The following BMPER variants were observed in gnomAD, a reference collection of about 807,000 sequenced individuals.
BMPER encodes the protein BMP-binding endothelial regulator protein.
Under a neutral mutation model 87.3 loss-of-function variants are expected in BMPER, and 45 were observed. The ratio of observed to expected loss-of-function variants is 0.52; its 90% CI spans 0.41 to 0.66. The LOEUF is 0.66. BMPER is among the 30% of genes least tolerant of loss of function. The pLI is 0.00. For synonymous variants in BMPER, 326 were observed against 316.2 expected (o/e 1.03, Z -0.33); for missense variants, 784 against 867.5 (o/e 0.90, Z 1.21).
intron 11 of BMPER, among the ~76,000 whole-genome samples, chr7:34,076,436 C>T (rs1207426313): frequency 6.6e-6 from 1 of 152,110 alleles, no homozygotes; most frequent in Non-Finnish European, 1.5e-5. Flanking sequence ...GGGGGTTGTG[C>T]ATATTAATTT....
chr7:33,944,972 C>T (rs996703805), intron 3 of BMPER, among the ~76,000 whole-genome samples: 1 of 152,158 alleles, frequency 6.6e-6, no homozygotes, highest in Non-Finnish European at 1.5e-5. Flanking sequence ...GATGGAGTCT[C>T]GCTCTGTCAC....
intron 3 of BMPER, among the ~76,000 whole-genome samples, chr7:33,938,269 C>T (rs1784660329): frequency 6.6e-6 from 1 of 152,176 alleles, no homozygotes. Context: ...AGTCAGAATC[C>T]AAGTTTACTG....
intron 13 of BMPER, among the ~76,000 whole-genome samples, chr7:34,131,443 T>G (rs372951014): frequency 2.0e-5 from 3 of 152,304 alleles, no homozygotes; most frequent in African/African-American, 7.2e-5. Flanking sequence ...TACCGCATCC[T>G]CCAGGGGCAG....
rs139390747 is a variant in BMPER, at chr7:33,994,617, G to C, written c.576+19833G>C. On this transcript the variant is annotated intron_variant, in intron 6 of 14. Transcript: ENST00000649409. ...ACGCTGGGAGCTGTAGACCGGAGCT[G>C]TTCCTATTCGGCCATCTTGTGTTTG... Among the ~76,000 whole-genome samples the C allele has an allele frequency of 3.0e-3, 462 of 152,322 alleles. 2 individuals are homozygous for C. Among genetic ancestry groups the C allele is most frequent in the African/African-American group, 0.011 (438 of 41,578 alleles).
intron 13 of BMPER, among the ~76,000 whole-genome samples, chr7:34,139,894 G>C (rs1420821615): frequency 1.3e-5 from 2 of 152,068 alleles, no homozygotes; most frequent in Non-Finnish European, 2.9e-5. Flanking sequence ...ATAGCATTGT[G>C]ATGAAAATTC....
At chr7:34,023,948 AG>A (rs1178119790) in intron 6 of BMPER, among the ~76,000 whole-genome samples, 4 of 151,124 alleles carry the variant, frequency 2.6e-5, no homozygotes, top group Admixed American at 2.6e-4. Context: ...AGTATGCCAA[AG>A]TTGAAAAAAA....
At chr7:34,024,384 A>AAAAT (rs1562695193) in intron 6 of BMPER, among the ~76,000 whole-genome samples, 1 of 23,430 alleles carries the variant, frequency 4.3e-5, no homozygotes, top group Non-Finnish European at 6.8e-5. Context: ...AAAAAAAAAC[A>AAAAT]ATATATATAT....
rs750025573 is a variant in BMPER at position 33,906,809 on chromosome 7, G to A, written c.134-9G>A. 1 of 1,610,820 alleles carries A rather than the reference G, an allele frequency of 6.2e-7. No individual in the cohort carries two copies. The highest frequency in any genetic ancestry group is 1.3e-5 in the African/African-American group (1 of 74,820). On this transcript the variant is annotated splice_polypyrimidine_tract_variant and intron_variant, in intron 1 of 14. Transcript: ENST00000649409. ...TTTAAATGAAACATTTTTCCCCCCT[G>A]AATTTCAGGTTCTGTTGCAAAATGT...
intron 5 of BMPER, among the ~76,000 whole-genome samples, chr7:33,972,971 G>A (rs1785586573): frequency 6.6e-6 from 1 of 152,160 alleles, no homozygotes; most frequent in Non-Finnish European, 1.5e-5. Context: ...TATCTTCCTT[G>A]GTCACTCAGA....
rs560687144 is a variant in BMPER, at chr7:34,148,932, T to A, written c.1877-4160T>A. Among the ~76,000 whole-genome samples the A allele has an allele frequency of 3.5e-4, 53 of 152,266 alleles. No homozygotes were observed. In the South Asian group the frequency reaches 0.011, roughly 31 times the overall value. ...TGAGTTGAAAGAGGGCAAGGTGAGTTCTGAAAGCAGCGGAGTGGAAAATGA... is the reference window on the plus strand; with the variant it reads ...TGAGTTGAAAGAGGGCAAGGTGAGTACTGAAAGCAGCGGAGTGGAAAATGA... On this transcript the variant is annotated intron_variant, in intron 14 of 14. Coordinates refer to ENST00000649409, the MANE Select transcript of BMPER (RefSeq NM_001365308.1).
chr7:33,970,259 G>A (rs1562659475), intron 4 of BMPER, 70 bp from the exon 5 acceptor site: 2 of 1,495,944 alleles, frequency 1.3e-6, no homozygotes, highest in Non-Finnish European at 1.9e-6. Context: ...TCCTACTTAG[G>A]TCACTTTCCA....
intron 13 of BMPER, among the ~76,000 whole-genome samples, chr7:34,142,823 A>G (rs1289159224): frequency 2.6e-5 from 4 of 152,226 alleles, no homozygotes; most frequent in African/African-American, 9.6e-5. Context: ...ATGGTATTCC[A>G]GTAGGGTAGC....
At chr7:34,131,716 G>A (rs1303686535) in intron 13 of BMPER, among the ~76,000 whole-genome samples, 1 of 152,212 alleles carries the variant, frequency 6.6e-6, no homozygotes, top group African/African-American at 2.4e-5. Flanking sequence ...AGGTGGCCAT[G>A]GCCAACACAG....
chr7:34,031,216 A>G (rs552521103), intron 6 of BMPER, among the ~76,000 whole-genome samples: 2 of 152,154 alleles, frequency 1.3e-5, no homozygotes, highest in Admixed American at 6.6e-5. Context: ...GTGGCCTACT[A>G]TAACTGCGGG....
intron 13 of BMPER, among the ~76,000 whole-genome samples, chr7:34,090,240 C>T (rs938871896): frequency 4.6e-5 from 7 of 152,140 alleles, no homozygotes; most frequent in African/African-American, 1.4e-4. Flanking sequence ...TTCCTGGGAG[C>T]TGGAGAGGCA....
intron 2 of BMPER, among the ~76,000 whole-genome samples, chr7:33,928,624 GT>G (rs1363751004): frequency 6.8e-5 from 5 of 73,688 alleles, no homozygotes; most frequent in Non-Finnish European, 1.2e-4. Flanking sequence ...TGTTCCGTGA[GT>G]TTCTTGAAAA....
At chr7:33,963,423 C>G (rs1785320143) in intron 3 of BMPER, among the ~76,000 whole-genome samples, 1 of 152,002 alleles carries the variant, frequency 6.6e-6, no homozygotes, top group Non-Finnish European at 1.5e-5. Context: ...TATATTTTGT[C>G]TCTTTGAAAT....
rs1280142661 is a variant in BMPER at position 34,153,039 on chromosome 7, G to A, written c.1877-53G>A. 3 of 1,603,610 alleles carry A rather than the reference G, an allele frequency of 1.9e-6. No individual in the cohort carries two copies. In the East Asian group the frequency reaches 6.7e-5, roughly 36 times the overall value. ...GCAAGAACGGCATCTGGCTGAGGGTGAATTAATGGGGCCTTTCTCCATGTT... is the reference window on the plus strand; with the variant it reads ...GCAAGAACGGCATCTGGCTGAGGGTAAATTAATGGGGCCTTTCTCCATGTT... On this transcript the variant is annotated intron_variant, in intron 14 of 14. Coordinates refer to ENST00000649409, the MANE Select transcript of BMPER (RefSeq NM_001365308.1).
At chr7:33,905,870 T>G in intron 1 of BMPER, 124 bp downstream of exon 1, 1 of 1,329,776 alleles carries the variant, frequency 7.5e-7, no homozygotes, top group Non-Finnish European at 1.0e-6. Context: ...TGCCCTGCGC[T>G]GGTCGATGGG....
Sources: gnomAD v4.1 joint callset for allele counts (sites outside exome capture counted in the v4.1 genomes callset) on GRCh38, gnomAD v4.1.1 for gene constraint, MANE v1.5 for transcripts, NCBI Gene and HGNC (gene_info 2026-07-23, HGNC 2026-07-21) for gene names.